PALM: variants seen among roughly 807,000 people sequenced by gnomAD.
PALM encodes paralemmin-1.
PALM carries 18 observed loss-of-function variants against 30.7 expected under a neutral mutation model. That is an observed-to-expected ratio of 0.59 (90% CI 0.41 to 0.87). The LOEUF (loss-of-function observed/expected upper bound fraction) is 0.87, where lower values mean the gene tolerates loss of function less well. PALM is among the 40% of genes least tolerant of loss of function. PALM has a pLI of 0.00. For missense variants in PALM, 529 were observed against 555.4 expected, an observed-to-expected ratio of 0.95 and a Z score of 0.48; for synonymous variants, 286 against 242.8, an observed-to-expected ratio of 1.18 and a Z score of -1.66.
rs549928960 is a variant in PALM at position 719,270 on chromosome 19, C to T, written c.6-6868C>T. ...TGACCTTGGCCGTTGCGTAACCTCT[C>T]TGGGCCCTTCCAACACCAACGCCCC... On this transcript the variant is annotated intron_variant, in intron 1 of 8. Transcript: ENST00000338448. The T allele has an allele frequency of 5.1e-6, 5 of 985,522 alleles. No individual in the cohort carries two copies. In the African/African-American group the frequency reaches 8.7e-5, roughly 17 times the overall value. 61.0% of individuals were successfully genotyped at this position (985,522 alleles called of 1,614,324 possible).
chr19:729,462 T>C (rs1410041057), intron 4 of PALM, among the ~76,000 whole-genome samples: 1 of 123,742 alleles, frequency 8.1e-6, no homozygotes, highest in African/African-American at 3.3e-5. Context: ...GTGCGTCTTT[T>C]TTTTTTTTTT....
At chr19:726,984 G>GTGCCCCC in intron 2 of PALM, 24 bp from the exon 3 acceptor site, 5 of 1,183,052 alleles carry the variant, frequency 4.2e-6, no homozygotes, top group African/African-American at 3.0e-5. Context: ...GCCCATCCCT[G>GTGCCCCC]ACCCCACCCG....
In PALM at chr19:709,265, C is replaced by T. The variant is rs1303639843; in HGVS notation, c.5+114C>T. On this transcript the variant is annotated intron_variant, in intron 1 of 8. Coordinates refer to ENST00000338448, the MANE Select transcript of PALM (RefSeq NM_002579.3). The surrounding 1 kb of genome is among the most constrained non-coding windows in gnomAD (Gnocchi z 4.3). ...GGGGCGTCGCTGCCCCCGCGAGGAG[C>T]AGGAGGCGGCGCGGGGCTGCTGGGG... is the stretch of plus-strand genomic sequence containing the variant. 10 of 264,998 alleles carry T rather than the reference C, an allele frequency of 3.8e-5. No homozygotes were observed. Among genetic ancestry groups the T allele is most frequent in the East Asian group, 3.6e-4 (6 of 16,498 alleles). The allele number at this position is 264,998 out of a possible 1,614,324, so 16.4% of individuals were successfully genotyped here.
chr19:738,812 A>G (rs1314272820), intron 7 of PALM, among the ~76,000 whole-genome samples: 1 of 152,116 alleles, frequency 6.6e-6, no homozygotes, highest in African/African-American at 2.4e-5. Context: ...ATGGGGGCCG[A>G]GGGGCCAGGC....
At chr19:736,183 G>A (rs949878281) in intron 7 of PALM, 105 bp downstream of exon 7, 37 of 774,236 alleles carry the variant, frequency 4.8e-5, no homozygotes, top group South Asian at 1.5e-4. Context: ...CCTGCTCTCC[G>A]CAGCGTCTGA....
intron 5 of PALM, 108 bp downstream of exon 5, chr19:731,353 C>G: frequency 1.9e-6 from 2 of 1,044,354 alleles, no homozygotes; most frequent in Non-Finnish European, 2.7e-6. Context: ...CAGGCACAGA[C>G]TAGAGCCAGG....
intron 5 of PALM, among the ~76,000 whole-genome samples, chr19:733,622 C>G (rs2032935205): frequency 6.6e-6 from 1 of 152,148 alleles, no homozygotes; most frequent in East Asian, 1.9e-4. Context: ...CTGGAGGGGG[C>G]ACGGAGGAGC....
In PALM at chr19:740,615, C is replaced by T. The variant is rs1452139106; in HGVS notation, c.634+132C>T. 31 of 875,298 alleles carry T rather than the reference C, an allele frequency of 3.5e-5. No individual in the cohort carries two copies. The East Asian group carries it at 7.8e-4, about 22-fold the overall frequency. The allele number at this position is 875,298 out of a possible 1,614,324, so 54.2% of individuals were successfully genotyped here. On this transcript the variant is annotated intron_variant, in intron 8 of 8. Coordinates refer to ENST00000338448, the MANE Select transcript of PALM (RefSeq NM_002579.3). ...TCGATGTGAAGCAGATGACGCTGTT[C>T]AGGCCAGGGCCTCACCCCCTGTGGC...
At position 746,894 on chromosome 19, in the gene PALM, C is replaced by T. The variant is rs1210661684; in HGVS notation, c.*80C>T. ...GCCCCTCCCGGCGCCTGCCCACCCT[C>T]CACCCACAGCCTCACGGGTCCAGGA... On this transcript the variant is annotated 3_prime_UTR_variant, in exon 9 of 9. Coordinates refer to ENST00000338448, the MANE Select transcript of PALM (RefSeq NM_002579.3). This position sits in a 1 kb window ranked among gnomAD's most constrained non-coding sequence, Gnocchi z 7.1. 1.3e-6 allele frequency: 1 copy of T among 758,106 alleles called. No homozygotes were observed. Among genetic ancestry groups the T allele is most frequent in the Non-Finnish European group, 2.1e-6 (1 of 478,120 alleles). The allele number at this position is 758,106 out of a possible 1,614,324, so 47.0% of individuals were successfully genotyped here.
At chr19:727,838 AG>A in intron 4 of PALM, 144 bp downstream of exon 4, 2 of 744,230 alleles carry the variant, frequency 2.7e-6, no homozygotes, top group South Asian at 3.7e-5. Flanking sequence ...ACATGCTTTG[AG>A]GGGGACGCAG....
chr19:745,127 C>G (rs2033301802), intron 8 of PALM, among the ~76,000 whole-genome samples: 1 of 152,172 alleles, frequency 6.6e-6, no homozygotes, highest in Admixed American at 6.5e-5. Flanking sequence ...TTGCAGTGAA[C>G]TGAGATCGTG....
chr19:740,624 G>T (rs1599166321), intron 8 of PALM, 141 bp downstream of exon 8: 2 of 814,232 alleles, frequency 2.5e-6, no homozygotes, highest in East Asian at 2.8e-5. Flanking sequence ...TCAGGCCAGG[G>T]CCTCACCCCC....
chr19:726,049 A>G, intron 1 of PALM, 89 bp from the exon 2 acceptor site: 1 of 1,007,220 alleles, frequency 9.9e-7, no homozygotes, highest in Non-Finnish European at 1.6e-6. Context: ...GGTTACCCCT[A>G]GGGGAAGAGG....
At chr19:744,736 AT>A (rs1263825425) in intron 8 of PALM, among the ~76,000 whole-genome samples, 3 of 142,360 alleles carry the variant, frequency 2.1e-5, no homozygotes, top group African/African-American at 7.9e-5. Flanking sequence ...TCTACTAAAA[AT>A]ACAAAAATCA....
intron 1 of PALM, among the ~76,000 whole-genome samples, chr19:710,534 G>A (rs2032039894): frequency 6.6e-6 from 1 of 152,184 alleles, no homozygotes; most frequent in Non-Finnish European, 1.5e-5. Context: ...GGAGGACGAC[G>A]GAGATCTCCC....
Position 738,632 on chromosome 19 carries a change from G to A in PALM, c.503-1720G>A, listed in dbSNP as rs1485355087. 2.0e-5 allele frequency among the ~76,000 whole-genome samples: 3 copies of A among 152,198 alleles called. No individual in the cohort carries two copies. The East Asian group carries it at 5.8e-4, about 29-fold the overall frequency. ...GGAGTAGTGTTATGGACGTGTGAGA[G>A]TGGGGCCCCTGTGGATAGGGGCTGA... On this transcript the variant is annotated intron_variant, in intron 7 of 8. Coordinates refer to ENST00000338448, the MANE Select transcript of PALM (RefSeq NM_002579.3).
At position 740,479 on chromosome 19, in the gene PALM, C is replaced by A; in HGVS notation, c.630C>A (p.Thr210=). The A allele has an allele frequency of 6.4e-7, 1 of 1,550,974 alleles. No homozygotes were observed. The highest frequency in any genetic ancestry group is 1.2e-5 in the South Asian group (1 of 83,986). ...GCATCAAAGTCTACGAGGACGAGAC[C>A]AAAGGTACGAGCACCCCGGCCCCTG... ...PLGIKVYEDE[T]KVVHAVDGTA... The change falls in exon 8 of 9, where the codon ACC becomes ACA. Residue 210 remains threonine (T), a synonymous_variant. Transcript: ENST00000338448.
At chr19:714,190 C>A (rs1332719597) in intron 1 of PALM, among the ~76,000 whole-genome samples, 1 of 151,568 alleles carries the variant, frequency 6.6e-6, no homozygotes, top group African/African-American at 2.4e-5. Context: ...CAGGCGTGAG[C>A]CACCGCGCCC....
Position 726,867 on chromosome 19 carries a change from C to T in PALM, c.58-141C>T, listed in dbSNP as rs138145096. On this transcript the variant is annotated intron_variant, in intron 2 of 8. Coordinates refer to ENST00000338448, the MANE Select transcript of PALM (RefSeq NM_002579.3). Reference sequence around the variant, plus strand: ...CGGGCTGGAGTACAGTGGTGCGATCCGCTGTCACCTGGAAGCCAGTGGGCC... The same window carrying T: ...CGGGCTGGAGTACAGTGGTGCGATCTGCTGTCACCTGGAAGCCAGTGGGCC... The T allele has an allele frequency of 7.8e-4, 483 of 620,422 alleles. 1 individual carries two copies. The highest frequency in any genetic ancestry group is 1.9e-3 in the Admixed American group (70 of 37,614). The allele number at this position is 620,422 out of a possible 1,614,324, so 38.4% of individuals were successfully genotyped here.
Sources: allele counts gnomAD v4.1 joint callset (sites outside exome capture counted in the v4.1 genomes callset), GRCh38; gene constraint gnomAD v4.1.1; non-coding constraint Gnocchi (gnomAD v3.1); transcripts MANE v1.5; gene names NCBI Gene and HGNC (gene_info 2026-07-23, HGNC 2026-07-21).